KIAA1217: variants seen among roughly 807,000 people sequenced by gnomAD.
The protein encoded by KIAA1217 is sickle tail protein homolog.
KIAA1217 carries 88 observed loss-of-function variants against 163.9 expected under a neutral mutation model. That is an observed-to-expected ratio of 0.54 (90% CI 0.45 to 0.64). KIAA1217 has a LOEUF of 0.64. Among genes scored for constraint, KIAA1217 ranks in the 30% least tolerant of loss-of-function variants. The pLI, the probability that KIAA1217 is intolerant of heterozygous loss-of-function variation, is 0.00. For missense variants in KIAA1217, 2,372 were observed against 2,475.0 expected, an observed-to-expected ratio of 0.96 and a Z score of 0.88; for synonymous variants, 903 against 923.1, an observed-to-expected ratio of 0.98 and a Z score of 0.39.
chr10:24,489,472 A>T (rs1211006368), intron 6 of KIAA1217, among the ~76,000 whole-genome samples: 2 of 152,038 alleles, frequency 1.3e-5, no homozygotes, highest in African/African-American at 4.8e-5. Flanking sequence ...CCATTCATTT[A>T]CTTAGATATA....
intron 2 of KIAA1217, among the ~76,000 whole-genome samples, chr10:24,283,905 C>CT (rs144451438): frequency 0.032 from 4,126 of 130,128 alleles, 178 homozygotes; most frequent in African/African-American, 0.1. Flanking sequence ...TTTTCTTTTC[C>CT]TTTATTTTTT....
chr10:24,216,462 C>G (rs2068829858), intron 1 of KIAA1217, among the ~76,000 whole-genome samples: 1 of 152,146 alleles, frequency 6.6e-6, no homozygotes, highest in East Asian at 1.9e-4. Context: ...GTTAATTCAT[C>G]TAGCTGTCCT....
At chr10:23,717,342 A>G (rs1454640591) in intron 1 of KIAA1217, among the ~76,000 whole-genome samples, 1 of 152,132 alleles carries the variant, frequency 6.6e-6, no homozygotes, top group Non-Finnish European at 1.5e-5. Flanking sequence ...AGAGCTAATA[A>G]TTACTGAGCA....
intron 1 of KIAA1217, among the ~76,000 whole-genome samples, chr10:23,860,486 G>A (rs906299088): frequency 1.3e-5 from 2 of 152,082 alleles, no homozygotes; most frequent in African/African-American, 4.8e-5. Flanking sequence ...ATTATACATT[G>A]TAATGAAATG....
intron 1 of KIAA1217, among the ~76,000 whole-genome samples, chr10:23,778,823 T>C (rs1320156234): frequency 2.0e-5 from 3 of 152,208 alleles, no homozygotes; most frequent in African/African-American, 7.2e-5. Flanking sequence ...GGCAGGTTGC[T>C]GCAGGTCATG....
intron 5 of KIAA1217, among the ~76,000 whole-genome samples, chr10:24,439,126 A>C (rs2060286390): frequency 6.6e-6 from 1 of 152,206 alleles, no homozygotes; most frequent in South Asian, 2.1e-4. Flanking sequence ...TTGAAGAAAA[A>C]AGAAGGAGAA....
At chr10:24,107,887 C>T (rs1365578647) in intron 2 of KIAA1217, among the ~76,000 whole-genome samples, 1 of 152,060 alleles carries the variant, frequency 6.6e-6, no homozygotes, top group Non-Finnish European at 1.5e-5. Flanking sequence ...CTTTAAGTCA[C>T]TTTTATAGGT....
intron 8 of KIAA1217, among the ~76,000 whole-genome samples, chr10:24,500,750 A>G (rs764898547): frequency 2.6e-5 from 4 of 152,192 alleles, no homozygotes; most frequent in African/African-American, 4.8e-5. Flanking sequence ...AGTTTTCTCT[A>G]TTATAAAATT....
Position 24,521,675 on chromosome 10 carries a change from C to G in KIAA1217, c.2309-107C>G, listed in dbSNP as rs1308551140. The G allele has an allele frequency of 3.7e-6, 5 of 1,346,366 alleles. No homozygotes were observed. The Admixed American group carries it at 9.6e-5, about 26-fold the overall frequency. 83.4% of individuals were successfully genotyped at this position (1,346,366 alleles called of 1,614,324 possible). ...GCCACCTGAAGATGTGTGAGCCACC[C>G]TGTGGCTTGTGAACTCTGCACTTCT... On this transcript the variant is annotated intron_variant, in intron 11 of 20. Coordinates refer to ENST00000376454, the MANE Select transcript of KIAA1217 (RefSeq NM_019590.5).
intron 3 of KIAA1217, among the ~76,000 whole-genome samples, chr10:24,387,626 A>G (rs1022810054): frequency 4.6e-5 from 7 of 152,254 alleles, no homozygotes; most frequent in African/African-American, 1.7e-4. Flanking sequence ...CCCTGTTTGC[A>G]GGTGACATGA....
intron 2 of KIAA1217, among the ~76,000 whole-genome samples, chr10:24,136,088 C>T (rs1052682011): frequency 1.3e-5 from 2 of 152,066 alleles, no homozygotes; most frequent in African/African-American, 2.4e-5. Context: ...GAGATTCAGG[C>T]ATGAGAGAAG....
intron 1 of KIAA1217, among the ~76,000 whole-genome samples, chr10:23,823,969 G>T (rs113270263): frequency 0.027 from 4,162 of 152,022 alleles, 174 homozygotes; most frequent in African/African-American, 0.092. Flanking sequence ...AAGGCAGAGG[G>T]TTGATGAAAG....
intron 2 of KIAA1217, among the ~76,000 whole-genome samples, chr10:24,060,092 GC>G (rs1287337927): frequency 6.6e-6 from 1 of 151,654 alleles, no homozygotes; most frequent in Non-Finnish European, 1.5e-5. Flanking sequence ...TCTTAGTCTA[GC>G]TAAAGGTGTG....
chr10:24,537,957 T>C (rs991098337), intron 17 of KIAA1217, among the ~76,000 whole-genome samples: 3 of 152,246 alleles, frequency 2.0e-5, no homozygotes, highest in Non-Finnish European at 4.4e-5. Flanking sequence ...CTTACTTGAA[T>C]TAAGCTTCCA....
rs1315616407 is a variant in KIAA1217, at chr10:24,473,664, C to T, written c.1283C>T (p.Ala428Val). 3 of 1,614,108 alleles carry T rather than the reference C, an allele frequency of 1.9e-6. No individual in the cohort carries two copies. Among genetic ancestry groups the T allele is most frequent in the Non-Finnish European group, 1.7e-6 (2 of 1,180,038 alleles). Reference protein sequence around the residue: ...PDHIIAYHRTAIRSASAYCNP... With the variant: ...PDHIIAYHRTVIRSASAYCNP... Reference sequence around the variant, plus strand: ...CACATCATTGCATATCACCGCACCGCCATCCGGTCAGCGAGTGCTTATTGT... The same window carrying T: ...CACATCATTGCATATCACCGCACCGTCATCCGGTCAGCGAGTGCTTATTGT... The change falls in exon 6 of 21, where the codon GCC becomes GTC. Residue 428 changes from alanine to valine, a missense_variant. This residue lies in a region of KIAA1217 where 1,431 missense variants were observed against 1,470.3 expected (regional missense o/e 0.97). Transcript: ENST00000376454.
chr10:23,803,115 G>A (rs1317554193), intron 1 of KIAA1217, among the ~76,000 whole-genome samples: 2 of 152,120 alleles, frequency 1.3e-5, no homozygotes, highest in African/African-American at 4.8e-5. Context: ...TTTTCCATGT[G>A]GAAAAGCTGG....
intron 2 of KIAA1217, among the ~76,000 whole-genome samples, chr10:24,256,523 T>C (rs1022131923): frequency 9.2e-5 from 14 of 151,998 alleles, no homozygotes; most frequent in African/African-American, 3.4e-4. Flanking sequence ...AATTAAGATG[T>C]CCTGAAAGAA....
At chr10:24,539,384 A>G (rs2074649323) in intron 17 of KIAA1217, among the ~76,000 whole-genome samples, 1 of 151,806 alleles carries the variant, frequency 6.6e-6, no homozygotes, top group East Asian at 1.9e-4. Flanking sequence ...GTGCACCACC[A>G]CACCCGGCTA....
At chr10:24,098,770 A>G (rs1402868787) in intron 2 of KIAA1217, among the ~76,000 whole-genome samples, 1 of 134,784 alleles carries the variant, frequency 7.4e-6, no homozygotes, top group Non-Finnish European at 1.5e-5. Flanking sequence ...TTAGAGAGAG[A>G]CAGACAGACA....
Sources: gnomAD v4.1 joint callset for allele counts (sites outside exome capture counted in the v4.1 genomes callset) on GRCh38, gnomAD v4.1.1 for gene constraint, gnomAD v4.1.1 regional missense constraint, MANE v1.5 for transcripts, NCBI Gene and HGNC (gene_info 2026-07-23, HGNC 2026-07-21) for gene names.